Variants in SHISA9 observed in about 807,000 individuals in gnomAD.
SHISA9 encodes protein shisa-9.
Under a neutral mutation model 38.0 loss-of-function variants are expected in SHISA9, and 13 were observed. That is an observed-to-expected ratio of 0.34 (90% CI 0.22 to 0.54). The LOEUF (loss-of-function observed/expected upper bound fraction) is 0.54. SHISA9 is among the 20% of genes least tolerant of loss of function. The probability of loss-of-function intolerance (pLI) is 0.91; values close to 1 mark genes in which losing one functional copy is unlikely to be tolerated. For synonymous variants in SHISA9, 275 were observed against 242.0 expected (o/e 1.14, Z -1.27); for missense variants, 538 against 575.8 (o/e 0.93, Z 0.67).
At chr16:13,234,957 A>ACTCTCTCTCTCT in intron 4 of SHISA9, 73 bp from the exon 5 acceptor site, 3 of 1,322,054 alleles carry the variant, frequency 2.3e-6, no homozygotes, top group Non-Finnish European at 3.0e-6. Flanking sequence ...CCAGTCTCTA[A>ACTCTCTCTCTCT]CTCTCTCTCT....
At chr16:13,550,894 T>C in the SHISA9 span, among the ~76,000 whole-genome samples, 1,250 of 152,026 alleles carry the variant, frequency 8.2e-3, 7 homozygotes, top group Middle Eastern at 0.071. Flanking sequence ...GAGGCCAACG[T>C]GGGCGGATCA....
the SHISA9 span, among the ~76,000 whole-genome samples, chr16:13,486,984 G>A: frequency 2.6e-5 from 4 of 152,304 alleles, no homozygotes; most frequent in South Asian, 2.1e-4. Flanking sequence ...GATTACAAGC[G>A]TGAGCCACCG....
chr16:13,445,926 C>A, the SHISA9 span, among the ~76,000 whole-genome samples: 10 of 152,046 alleles, frequency 6.6e-5, no homozygotes, highest in African/African-American at 1.7e-4. Flanking sequence ...GTCAAAGAGG[C>A]ATTTAGAATA....
chr16:13,307,222 C>G, the SHISA9 span, among the ~76,000 whole-genome samples: 5 of 152,144 alleles, frequency 3.3e-5, no homozygotes, highest in African/African-American at 7.2e-5. Context: ...ATTAAATCAC[C>G]TAGTATGTGC....
At chr16:13,409,558 T>C in the SHISA9 span, among the ~76,000 whole-genome samples, 1 of 152,246 alleles carries the variant, frequency 6.6e-6, no homozygotes, top group Non-Finnish European at 1.5e-5. Flanking sequence ...ACACATCCTG[T>C]GATGGGGATC....
At chr16:13,219,133 A>G (rs1159119886) in intron 4 of SHISA9, among the ~76,000 whole-genome samples, 1 of 152,180 alleles carries the variant, frequency 6.6e-6, no homozygotes, top group Non-Finnish European at 1.5e-5. Context: ...AGGGCATGAA[A>G]TGAATGCGCA....
At chr16:13,406,811 G>A in the SHISA9 span, among the ~76,000 whole-genome samples, 2 of 152,164 alleles carry the variant, frequency 1.3e-5, no homozygotes, top group Non-Finnish European at 2.9e-5. Context: ...GCTCATGCCT[G>A]TAATCCCAGC....
intron 2 of SHISA9, among the ~76,000 whole-genome samples, chr16:12,980,579 T>A (rs1160538317): frequency 6.6e-6 from 1 of 152,128 alleles, no homozygotes; most frequent in African/African-American, 2.4e-5. Context: ...TATGTTTTTT[T>A]TTTTAATTTC....
At chr16:13,219,167 A>G (rs577880159) in intron 4 of SHISA9, among the ~76,000 whole-genome samples, 5 of 152,306 alleles carry the variant, frequency 3.3e-5, no homozygotes, top group East Asian at 1.9e-4. Flanking sequence ...GGTTTGTAGA[A>G]AATGCTCTTG....
intron 2 of SHISA9, among the ~76,000 whole-genome samples, chr16:13,024,583 G>A (rs1040841122): frequency 3.3e-5 from 5 of 152,230 alleles, no homozygotes; most frequent in African/African-American, 4.8e-5. Flanking sequence ...TTTTCTGAGA[G>A]GCAGTGTACT....
intron 2 of SHISA9, among the ~76,000 whole-genome samples, chr16:13,052,909 C>T (rs1459589485): frequency 6.6e-6 from 1 of 151,216 alleles, no homozygotes; most frequent in Non-Finnish European, 1.5e-5. Context: ...CTCAAGTTGG[C>T]ACAGCTATTA....
the SHISA9 span, among the ~76,000 whole-genome samples, chr16:13,416,024 C>T: frequency 2.0e-5 from 3 of 152,066 alleles, no homozygotes; most frequent in Non-Finnish European, 4.4e-5. Context: ...ATTGGTGATG[C>T]TCTTTTACTT....
At chr16:13,525,700 C>G in the SHISA9 span, among the ~76,000 whole-genome samples, 6 of 152,194 alleles carry the variant, frequency 3.9e-5, no homozygotes, top group African/African-American at 1.4e-4. Context: ...TAAAAATCAT[C>G]ATTTTCACTT....
intron 2 of SHISA9, among the ~76,000 whole-genome samples, chr16:12,927,574 A>ATTTT (rs772330327): frequency 2.2e-5 from 3 of 136,344 alleles, no homozygotes; most frequent in African/African-American, 8.1e-5. Flanking sequence ...ATTTTTTTTG[A>ATTTT]TTTTTTTTTT....
At chr16:13,412,753 A>C in the SHISA9 span, among the ~76,000 whole-genome samples, 1 of 151,674 alleles carries the variant, frequency 6.6e-6, no homozygotes, top group African/African-American at 2.4e-5. Flanking sequence ...GGTACTTGGG[A>C]TGCTGAGGTA....
the SHISA9 span, among the ~76,000 whole-genome samples, chr16:13,391,895 A>G: frequency 1.3e-5 from 2 of 152,204 alleles, no homozygotes; most frequent in Non-Finnish European, 2.9e-5. Flanking sequence ...TCTGTTTGGA[A>G]TGATGCAGAT....
rs1264174201 is a variant in SHISA9 at position 13,237,498 on chromosome 16, A to G, written c.*2089A>G. ...GTCAACATGGTGAAACCCCGTCTCT[A>G]CTAAAAATACAAACATTAGCTGGGC... On this transcript the variant is annotated 3_prime_UTR_variant, in exon 5 of 5. Coordinates refer to ENST00000558583, the MANE Select transcript of SHISA9 (RefSeq NM_001145204.3). 7 of 152,052 alleles carry G rather than the reference A, an allele frequency of 4.6e-5. No homozygotes were observed. Among genetic ancestry groups the G allele is most frequent in the African/African-American group, 1.7e-4 (7 of 41,390 alleles). 9.4% of individuals were successfully genotyped at this position (152,052 alleles called of 1,614,324 possible).
At chr16:13,352,740 T>G in the SHISA9 span, among the ~76,000 whole-genome samples, 9 of 111,816 alleles carry the variant, frequency 8.0e-5, no homozygotes, top group East Asian at 2.4e-4. Context: ...TTTGGGTAGG[T>G]AAAGGAAAAT....
chr16:13,294,023 C>G, the SHISA9 span, among the ~76,000 whole-genome samples: 1 of 152,176 alleles, frequency 6.6e-6, no homozygotes, highest in Non-Finnish European at 1.5e-5. Flanking sequence ...TTGACCCCAT[C>G]ATGTAAGTAA....
Sources: allele counts gnomAD v4.1 joint callset (sites outside exome capture counted in the v4.1 genomes callset), GRCh38; gene constraint gnomAD v4.1.1; transcripts MANE v1.5; gene names NCBI Gene and HGNC (gene_info 2026-07-23, HGNC 2026-07-21).